Variants in TANC2 observed in about 807,000 individuals in gnomAD.
TANC2 encodes the protein protein TANC2.
Under a neutral mutation model 210.5 loss-of-function variants are expected in TANC2, and 26 were observed. The observed-to-expected ratio is 0.12, with a 90% CI of 0.09 to 0.17. The LOEUF is 0.17. Ranked by LOEUF, TANC2 falls within the 10% of genes least tolerant of loss-of-function variation. The probability of loss-of-function intolerance (pLI) is 1.00; values close to 1 mark genes in which losing one functional copy is unlikely to be tolerated. For synonymous variants in TANC2, 931 were observed against 967.1 expected, an observed-to-expected ratio of 0.96 and a Z score of 0.69; for missense variants, 2,129 against 2,608.9, an observed-to-expected ratio of 0.82 and a Z score of 4.01.
At chr17:63,098,071 A>G (rs1377081856) in intron 3 of TANC2, among the ~76,000 whole-genome samples, 2 of 152,060 alleles carry the variant, frequency 1.3e-5, no homozygotes, top group African/African-American at 4.8e-5. Context: ...TGTATTCAGT[A>G]TTCTTATGAG....
At chr17:63,046,591 C>T (rs2035394663) in intron 2 of TANC2, among the ~76,000 whole-genome samples, 1 of 151,362 alleles carries the variant, frequency 6.6e-6, no homozygotes, top group Non-Finnish European at 1.5e-5. Context: ...CTTGGCCTCC[C>T]AAAGTGCTGG....
chr17:63,186,443 C>G (rs1191944315), intron 5 of TANC2, among the ~76,000 whole-genome samples: 1 of 151,504 alleles, frequency 6.6e-6, no homozygotes, highest in Non-Finnish European at 1.5e-5. Flanking sequence ...ACTTCCGCCT[C>G]CCAGGTACAA....
intron 4 of TANC2, among the ~76,000 whole-genome samples, chr17:63,104,883 C>T (rs1305127070): frequency 6.6e-6 from 1 of 150,964 alleles, no homozygotes; most frequent in African/African-American, 2.5e-5. Flanking sequence ...AGTCTCTGTA[C>T]TTCAATTCCC....
intron 5 of TANC2, among the ~76,000 whole-genome samples, chr17:63,178,516 G>A (rs2040671299): frequency 6.6e-6 from 1 of 152,162 alleles, no homozygotes; most frequent in Non-Finnish European, 1.5e-5. Context: ...TTTAGCAGCT[G>A]CTTATTTTCT....
intron 15 of TANC2, chr17:63,381,631 G>C (rs2047612535): frequency 1.3e-5 from 2 of 152,110 alleles, no homozygotes; most frequent in Admixed American, 1.3e-4. Context: ...TATTCATAAA[G>C]GTGATGTTTG....
At chr17:63,331,928 G>T in intron 11 of TANC2, 1 of 226,658 alleles carries the variant, frequency 4.4e-6, no homozygotes, top group Non-Finnish European at 8.7e-6. Context: ...TCCATTTGGC[G>T]GTATCAACTC....
intron 8 of TANC2, among the ~76,000 whole-genome samples, chr17:63,241,200 A>T (rs758682409): frequency 3.3e-5 from 5 of 152,226 alleles, no homozygotes; most frequent in African/African-American, 9.6e-5. Flanking sequence ...AGATGGTAGT[A>T]TGAGCCAGTT....
chr17:63,349,118 CA>C (rs969122687), intron 12 of TANC2, among the ~76,000 whole-genome samples: 3 of 147,916 alleles, frequency 2.0e-5, no homozygotes, highest in Non-Finnish European at 3.0e-5. Flanking sequence ...CAGGAAATCT[CA>C]AAAAAAAATA....
At chr17:63,009,068 TAC>T (rs1270274311) in intron 1 of TANC2, among the ~76,000 whole-genome samples, 22 of 152,188 alleles carry the variant, frequency 1.4e-4, no homozygotes, top group African/African-American at 5.1e-4. Context: ...ATCATATAGT[TAC>T]AGTTTTGTAC....
intron 12 of TANC2, among the ~76,000 whole-genome samples, chr17:63,342,707 C>T (rs564342816): frequency 1.3e-5 from 2 of 152,096 alleles, no homozygotes; most frequent in East Asian, 3.9e-4. Context: ...ACCCGGGAGG[C>T]GGAGCTTGCA....
chr17:63,364,361 C>T lies in TANC2; in HGVS notation c.2582+8971C>T, dbSNP rs186760952. On this transcript the variant is annotated intron_variant, in intron 14 of 27. Transcript: ENST00000689528. Reference sequence around the variant, plus strand: ...TGGGCCACAGCAACATTTTTTTTTTCGTTTTCCAAATCCAAAATGAAATTT... The same window carrying T: ...TGGGCCACAGCAACATTTTTTTTTTTGTTTTCCAAATCCAAAATGAAATTT... Among the ~76,000 whole-genome samples, 1,126 of 150,744 alleles carry T rather than the reference C, an allele frequency of 7.5e-3. 13 individuals carry two copies. The highest frequency in any genetic ancestry group is 0.025 in the African/African-American group (1,018 of 41,154).
chr17:63,108,379 C>T (rs1296771295), intron 4 of TANC2, among the ~76,000 whole-genome samples: 1 of 151,830 alleles, frequency 6.6e-6, no homozygotes, highest in Admixed American at 6.5e-5. Flanking sequence ...CCAGATATTA[C>T]ATATACCCCA....
At chr17:63,249,105 A>T (rs2042990414) in intron 8 of TANC2, among the ~76,000 whole-genome samples, 1 of 152,172 alleles carries the variant, frequency 6.6e-6, no homozygotes. Flanking sequence ...ACATATGAGG[A>T]TAGTACTGTT....
intron 4 of TANC2, among the ~76,000 whole-genome samples, chr17:63,122,681 G>A (rs1363657436): frequency 6.6e-6 from 1 of 151,456 alleles, no homozygotes; most frequent in African/African-American, 2.4e-5. Flanking sequence ...ATAGTGAGCC[G>A]AGATCACACC....
rs147942492 is a variant in TANC2, at chr17:63,257,097, T to C, written c.1034-10651T>C. On this transcript the variant is annotated intron_variant, in intron 8 of 27. Coordinates refer to ENST00000689528, the Ensembl canonical transcript of TANC2. ...GTATTTTTTTTTTTTTTTTGGTCCA[T>C]TCAGCCACGCTGTGTCTTTTGATTG... Among the ~76,000 whole-genome samples the C allele has an allele frequency of 7.3e-5, 11 of 150,058 alleles. No homozygotes were observed. In the East Asian group the frequency reaches 2.1e-3, roughly 29 times the overall value.
At chr17:63,193,611 A>C (rs2447454) in intron 5 of TANC2, among the ~76,000 whole-genome samples, 2 of 151,990 alleles carry the variant, frequency 1.3e-5, no homozygotes, top group Non-Finnish European at 2.9e-5. Flanking sequence ...ATTTTTGTAA[A>C]GTCCTTTAAA....
intron 9 of TANC2, among the ~76,000 whole-genome samples, chr17:63,292,405 A>G (rs1232752062): frequency 6.6e-6 from 1 of 152,218 alleles, no homozygotes; most frequent in Non-Finnish European, 1.5e-5. Flanking sequence ...AACAGTGTGA[A>G]ATACTAAAAA....
intron 13 of TANC2, among the ~76,000 whole-genome samples, 186 bp downstream of exon 13, chr17:63,351,602 C>A (rs958262188): frequency 2.6e-5 from 4 of 152,110 alleles, no homozygotes; most frequent in Non-Finnish European, 5.9e-5. Context: ...ATACGTGACT[C>A]TCAGATTCCC....
intron 3 of TANC2, among the ~76,000 whole-genome samples, chr17:63,090,091 C>A (rs1013049508): frequency 6.6e-6 from 1 of 151,996 alleles, no homozygotes; most frequent in Non-Finnish European, 1.5e-5. Context: ...TAGTTGTCTC[C>A]CTCAACCTAA....
Sources: allele counts gnomAD v4.1 joint callset (sites outside exome capture counted in the v4.1 genomes callset), GRCh38; gene constraint gnomAD v4.1.1; transcripts MANE v1.5; gene names NCBI Gene and HGNC (gene_info 2026-07-23, HGNC 2026-07-21).